Variants in DISC1 observed in about 807,000 individuals in gnomAD.
DISC1 encodes the protein disrupted in schizophrenia 1 protein.
In DISC1, 57 loss-of-function variants were observed where a neutral mutation model predicts 84.5. The observed-to-expected ratio is 0.67, with a 90% CI of 0.55 to 0.84. The LOEUF is 0.84. Among genes scored for constraint, DISC1 ranks in the 40% least tolerant of loss-of-function variants. The pLI, the probability that DISC1 is intolerant of heterozygous loss-of-function variation, is 0.00. For missense variants in DISC1, 1,000 were observed against 1,057.8 expected (o/e 0.95, Z 0.76); for synonymous variants, 411 against 415.2 (o/e 0.99, Z 0.12).
At chr1:231,977,463 CCA>C (rs953194118) in intron 10 of DISC1, among the ~76,000 whole-genome samples, 11 of 152,190 alleles carry the variant, frequency 7.2e-5, no homozygotes, top group Admixed American at 2.0e-4. Flanking sequence ...GTGCCTCACT[CCA>C]GTCTCTGCTT....
intron 9 of DISC1, among the ~76,000 whole-genome samples, chr1:231,846,119 A>C (rs2083432809): frequency 1.3e-5 from 2 of 152,102 alleles, no homozygotes; most frequent in Admixed American, 1.3e-4. Flanking sequence ...GTGGGAGGAC[A>C]CTGACTGCTT....
At chr1:231,959,058 C>T (rs1660025739) in intron 10 of DISC1, 170 bp downstream of exon 10, 1 of 1,397,458 alleles carries the variant, frequency 7.2e-7, no homozygotes, top group Non-Finnish European at 9.2e-7. Context: ...AGGTGCCAGC[C>T]CTCATCTTGT....
intron 9 of DISC1, among the ~76,000 whole-genome samples, chr1:231,912,770 T>C (rs1036924842): frequency 6.9e-6 from 1 of 144,272 alleles, no homozygotes; most frequent in Admixed American, 6.9e-5. Flanking sequence ...TCTTTCTTTC[T>C]TTCTTTCTTT....
intron 1 of DISC1, among the ~76,000 whole-genome samples, chr1:231,629,079 G>A (rs1482981698): frequency 6.6e-6 from 1 of 152,184 alleles, no homozygotes; most frequent in African/African-American, 2.4e-5. Flanking sequence ...AGAGTGAACT[G>A]TTAATCCTGG....
At chr1:231,748,815 A>G (rs979692136) in intron 3 of DISC1, among the ~76,000 whole-genome samples, 1 of 152,214 alleles carries the variant, frequency 6.6e-6, no homozygotes, top group Non-Finnish European at 1.5e-5. Context: ...GGTATTAATT[A>G]TTCTTTAAAG....
chr1:231,839,192 G>A lies in DISC1; in HGVS notation c.1981+20675G>A, dbSNP rs182628614. ...AGAGGAGAGCACAGACTCAGAGGTC[G>A]GAGGAACGTGGCACATCTAGGAGAC... On this transcript the variant is annotated intron_variant, in intron 9 of 12. Transcript: ENST00000439617. Among the ~76,000 whole-genome samples the A allele has an allele frequency of 1.4e-4, 22 of 152,224 alleles. No individual in the cohort carries two copies. The East Asian group carries it at 1.7e-3, about 12-fold the overall frequency.
At chr1:231,701,411 T>A (rs1009836876) in intron 2 of DISC1, among the ~76,000 whole-genome samples, 8 of 152,102 alleles carry the variant, frequency 5.3e-5, no homozygotes, top group Non-Finnish European at 8.8e-5. Context: ...GATCACTGAG[T>A]CTCCATGTGG....
chr1:231,935,598 G>A (rs1021343364), intron 9 of DISC1, among the ~76,000 whole-genome samples: 1 of 152,006 alleles, frequency 6.6e-6, no homozygotes, highest in Non-Finnish European at 1.5e-5. Flanking sequence ...TTAAGGGGTG[G>A]GCTTAAAAAG....
At chr1:231,815,391 T>C (rs2080829803) in intron 8 of DISC1, among the ~76,000 whole-genome samples, 1 of 152,136 alleles carries the variant, frequency 6.6e-6, no homozygotes. Context: ...ATTTTGGCTG[T>C]TCTAGAACTT....
chr1:231,868,692 TTATATATATATATATATATATATATATA>T (rs58636016), intron 9 of DISC1, among the ~76,000 whole-genome samples: 3 of 108,842 alleles, frequency 2.8e-5, no homozygotes, highest in Non-Finnish European at 5.7e-5. Context: ...ACCCCATCTC[TTATATATATATATATATATATATATATA>T]TATATATATA....
intron 10 of DISC1, among the ~76,000 whole-genome samples, chr1:231,964,951 T>G (rs1160349484): frequency 6.6e-6 from 1 of 151,994 alleles, no homozygotes; most frequent in Non-Finnish European, 1.5e-5. Context: ...AGCATATACT[T>G]AAAGATCAGA....
chr1:231,723,320 G>A (rs1573256688), intron 3 of DISC1: 1 of 985,842 alleles, frequency 1.0e-6, no homozygotes, highest in Non-Finnish European at 1.2e-6. Flanking sequence ...ATAACTGCAG[G>A]CAGAACATCT....
At chr1:231,904,296 C>T (rs2088449391) in intron 9 of DISC1, among the ~76,000 whole-genome samples, 1 of 152,216 alleles carries the variant, frequency 6.6e-6, no homozygotes, top group Non-Finnish European at 1.5e-5. Flanking sequence ...GCTCTTCTCT[C>T]TCTTCCTTTT....
chr1:231,771,647 C>T, intron 6 of DISC1: 2 of 954,836 alleles, frequency 2.1e-6, no homozygotes, highest in South Asian at 9.7e-5. Context: ...TATAATTTGC[C>T]CAAAGTCCTA....
intron 1 of DISC1, among the ~76,000 whole-genome samples, chr1:231,627,224 C>G (rs1310086303): frequency 1.3e-5 from 2 of 152,164 alleles, no homozygotes; most frequent in East Asian, 3.9e-4. Flanking sequence ...CCCGCGCCCC[C>G]GCTGCGTGTC....
intron 8 of DISC1, among the ~76,000 whole-genome samples, chr1:231,816,944 A>T (rs2081061265): frequency 8.9e-5 from 12 of 134,842 alleles, no homozygotes; most frequent in South Asian, 2.4e-4. Context: ...TCCCTCTTTC[A>T]CCTCCTCCTC....
intron 3 of DISC1, among the ~76,000 whole-genome samples, chr1:231,728,410 G>T (rs981974145): frequency 2.6e-5 from 4 of 152,164 alleles, no homozygotes; most frequent in African/African-American, 9.7e-5. Flanking sequence ...GTCTTCAGGG[G>T]CCTCTGGCTT....
chr1:231,965,257 C>CT (rs1324837927), intron 10 of DISC1, among the ~76,000 whole-genome samples: 19 of 152,212 alleles, frequency 1.2e-4, no homozygotes, highest in African/African-American at 4.6e-4. Flanking sequence ...TTGTAATCAT[C>CT]TGAGTTATAA....
intron 1 of DISC1, among the ~76,000 whole-genome samples, chr1:231,690,560 A>G (rs2064874935): frequency 6.6e-6 from 1 of 152,192 alleles, no homozygotes; most frequent in Non-Finnish European, 1.5e-5. Context: ...CAAGGTCTGA[A>G]TGCATCCTAA....
Sources: allele counts gnomAD v4.1 joint callset (sites outside exome capture counted in the v4.1 genomes callset), GRCh38; gene constraint gnomAD v4.1.1; transcripts MANE v1.5; gene names NCBI Gene and HGNC (gene_info 2026-07-23, HGNC 2026-07-21).